The following PRKG1 variants were observed in gnomAD, a reference collection of about 807,000 sequenced individuals.
PRKG1 encodes cGMP-dependent protein kinase 1.
In PRKG1, 35 loss-of-function variants were observed where a neutral mutation model predicts 88.1. The observed-to-expected ratio is 0.40, with a 90% CI of 0.30 to 0.53. The LOEUF (loss-of-function observed/expected upper bound fraction) is 0.53, where lower values mean the gene tolerates loss of function less well. PRKG1 is among the 20% of genes least tolerant of loss of function. The pLI is 0.59. For synonymous variants in PRKG1, 303 were observed against 292.5 expected (o/e 1.04, Z -0.37); for missense variants, 540 against 839.8 (o/e 0.64, Z 4.41).
intron 4 of PRKG1, among the ~76,000 whole-genome samples, chr10:51,809,999 T>G (rs1839412651): frequency 6.6e-6 from 1 of 151,992 alleles, no homozygotes; most frequent in Non-Finnish European, 1.5e-5. Context: ...CTCAAGAGAC[T>G]CCCCTCCCTT....
intron 7 of PRKG1, among the ~76,000 whole-genome samples, chr10:52,119,071 A>G (rs1847755427): frequency 6.6e-6 from 1 of 152,142 alleles, no homozygotes; most frequent in Non-Finnish European, 1.5e-5. Flanking sequence ...TTAATCACCT[A>G]TATAAAGTAT....
chr10:51,698,640 G>T, intron 3 of PRKG1: 1 of 1,614,104 alleles, frequency 6.2e-7, no homozygotes, highest in Non-Finnish European at 8.5e-7. Context: ...ATCTGCACTT[G>T]TCCCCGCTCT....
At chr10:51,770,144 G>T (rs542961690) in intron 3 of PRKG1, among the ~76,000 whole-genome samples, 4 of 152,268 alleles carry the variant, frequency 2.6e-5, no homozygotes, top group African/African-American at 9.6e-5. Flanking sequence ...GATATTATGC[G>T]TCCTCTAAGG....
intron 2 of PRKG1, among the ~76,000 whole-genome samples, chr10:51,237,563 C>G (rs559295025): frequency 6.6e-6 from 1 of 152,300 alleles, no homozygotes; most frequent in Non-Finnish European, 1.5e-5. Flanking sequence ...AGATGACATA[C>G]ACAGCATTGA....
At chr10:51,728,900 T>C (rs1842204984) in intron 3 of PRKG1, among the ~76,000 whole-genome samples, 1 of 152,242 alleles carries the variant, frequency 6.6e-6, no homozygotes, top group Non-Finnish European at 1.5e-5. Context: ...TGTTGTACTT[T>C]GGAATCGTAT....
At chr10:51,720,903 G>A (rs1166076469) in intron 3 of PRKG1, among the ~76,000 whole-genome samples, 1 of 151,976 alleles carries the variant, frequency 6.6e-6, no homozygotes, top group East Asian at 1.9e-4. Flanking sequence ...ATAAGATGAT[G>A]GTTAGTAAAA....
intron 7 of PRKG1, among the ~76,000 whole-genome samples, chr10:52,126,816 T>C (rs1456158156): frequency 6.6e-6 from 1 of 152,202 alleles, no homozygotes; most frequent in East Asian, 1.9e-4. Context: ...GAAACAGTTA[T>C]CTGTCACCAG....
intron 1 of PRKG1, among the ~76,000 whole-genome samples, chr10:51,077,843 CTAAACTATATTTGGAAA>C (rs1843999490): frequency 1.3e-5 from 2 of 152,312 alleles, no homozygotes; most frequent in Admixed American, 1.3e-4. Flanking sequence ...TGTAAAACTA[CTAAACTATATTTGGAAA>C]TAAACTGAGC....
intron 12 of PRKG1, 110 bp from the exon 13 acceptor site, chr10:52,280,679 C>G: frequency 8.3e-7 from 1 of 1,198,002 alleles, no homozygotes; most frequent in South Asian, 1.4e-5. Context: ...GGACAGTGAT[C>G]TCTGGGTTAA....
intron 4 of PRKG1, among the ~76,000 whole-genome samples, chr10:51,854,223 C>CTT (rs993132834): frequency 3.3e-5 from 5 of 152,066 alleles, no homozygotes; most frequent in African/African-American, 4.8e-5. Context: ...AGGTAGAATA[C>CTT]TTTAATCTTC....
chr10:52,036,847 G>T (rs1207282469), intron 5 of PRKG1, among the ~76,000 whole-genome samples: 2 of 152,028 alleles, frequency 1.3e-5, no homozygotes, highest in African/African-American at 4.8e-5. Context: ...AAGCCTGGCC[G>T]TCAATACCCA....
At chr10:52,086,605 G>A (rs1022275052) in intron 7 of PRKG1, among the ~76,000 whole-genome samples, 4 of 151,636 alleles carry the variant, frequency 2.6e-5, no homozygotes, top group Admixed American at 6.6e-5. Context: ...GGGTTTCACC[G>A]TGTTGGCCAG....
chr10:51,743,060 G>T (rs1032484810), intron 3 of PRKG1, among the ~76,000 whole-genome samples: 2 of 151,832 alleles, frequency 1.3e-5, no homozygotes, highest in African/African-American at 4.9e-5. Context: ...AAAAGAGAGA[G>T]AGAGAGAGAA....
intron 4 of PRKG1, among the ~76,000 whole-genome samples, chr10:51,830,072 G>A (rs1249268089): frequency 6.6e-6 from 1 of 152,114 alleles, no homozygotes; most frequent in Admixed American, 6.5e-5. Context: ...TCGGGAAAGG[G>A]TGAAAAGATT....
chr10:51,787,089 A>G (rs1838748433), intron 3 of PRKG1, among the ~76,000 whole-genome samples: 1 of 152,192 alleles, frequency 6.6e-6, no homozygotes, highest in African/African-American at 2.4e-5. Flanking sequence ...ACAGAAGATG[A>G]GCTCTATAGC....
intron 8 of PRKG1, among the ~76,000 whole-genome samples, chr10:52,141,005 G>C (rs1290289423): frequency 6.6e-6 from 1 of 152,088 alleles, no homozygotes; most frequent in East Asian, 1.9e-4. Context: ...TTTTATTTTG[G>C]TTCATTTTCC....
At chr10:52,125,667 C>G (rs1353139013) in intron 7 of PRKG1, 1 of 152,194 alleles carries the variant, frequency 6.6e-6, no homozygotes, top group Non-Finnish European at 1.5e-5. Context: ...GTGGCCATAA[C>G]TTTTGCAGTT....
At chr10:52,015,885 G>A (rs1453449621) in intron 5 of PRKG1, among the ~76,000 whole-genome samples, 4 of 152,326 alleles carry the variant, frequency 2.6e-5, no homozygotes, top group South Asian at 2.1e-4. Flanking sequence ...CTAAAGCATA[G>A]CAAGGGTTAT....
intron 4 of PRKG1, among the ~76,000 whole-genome samples, chr10:51,884,030 A>G: frequency 6.6e-6 from 1 of 150,794 alleles, no homozygotes; most frequent in East Asian, 1.9e-4. Context: ...TTTTTCAAAA[A>G]AAAAAAAAAA....
Sources: allele counts gnomAD v4.1 joint callset (sites outside exome capture counted in the v4.1 genomes callset), GRCh38; gene constraint gnomAD v4.1.1; transcripts MANE v1.5; gene names NCBI Gene and HGNC (gene_info 2026-07-23, HGNC 2026-07-21).